Variants in NEIL3 observed in about 807,000 individuals in gnomAD.
NEIL3 encodes endonuclease 8-like 3.
In NEIL3, 48 loss-of-function variants were observed where a neutral mutation model predicts 57.5. That is an observed-to-expected ratio of 0.83 (90% CI 0.66 to 1.06). NEIL3 has a LOEUF of 1.06. Among genes scored for constraint, NEIL3 ranks in the 50% least tolerant of loss-of-function variants. The pLI is 0.00. For missense variants in NEIL3, 717 were observed against 739.1 expected (o/e 0.97, Z 0.35); for synonymous variants, 261 against 253.2 (o/e 1.03, Z -0.29).
intron 1 of NEIL3, among the ~76,000 whole-genome samples, chr4:177,318,590 A>G (rs1034633189): frequency 1.3e-5 from 2 of 152,166 alleles, no homozygotes; most frequent in Non-Finnish European, 1.5e-5. Flanking sequence ...TCTCTGGGCC[A>G]TGGCATACAA....
chr4:177,316,506 G>A (rs940371407), intron 1 of NEIL3, among the ~76,000 whole-genome samples: 1 of 152,046 alleles, frequency 6.6e-6, no homozygotes. Flanking sequence ...TAAGATATTG[G>A]GATGTTAATG....
Position 177,336,244 on chromosome 4 carries a change from C to G in NEIL3, c.550C>G (p.Gln184Glu). The change falls in exon 4 of 10, where the codon CAG (glutamine) becomes GAG (glutamate). Residue 184 changes from glutamine to glutamate, a missense_variant. Transcript: ENST00000264596. ...GRMLGDVLMD[Q>E]NVLPGVGNII... ...GATGCTAGGTGATGTGCTAATGGATCAGAACGTATTGCCTGGAGTAGGGAA... is the reference window on the plus strand; with the variant it reads ...GATGCTAGGTGATGTGCTAATGGATGAGAACGTATTGCCTGGAGTAGGGAA... 1.9e-6 allele frequency: 3 copies of G among 1,614,180 alleles called. No individual in the cohort carries two copies. In the African/African-American group the frequency reaches 4.0e-5, roughly 22 times the overall value.
At chr4:177,322,856 A>G (rs923009288) in intron 2 of NEIL3, among the ~76,000 whole-genome samples, 1 of 152,166 alleles carries the variant, frequency 6.6e-6, no homozygotes, top group Non-Finnish European at 1.5e-5. Context: ...AGCTTCCTAT[A>G]CCACAAGTCT....
Position 177,348,947 on chromosome 4 carries a change from A to G in NEIL3, c.870-2433A>G, listed in dbSNP as rs962741354. Among the ~76,000 whole-genome samples the G allele has an allele frequency of 5.3e-5, 7 of 132,656 alleles. No individual in the cohort carries two copies. The Admixed American group carries it at 5.5e-4, about 10-fold the overall frequency. 87.0% of individuals were successfully genotyped at this position (132,656 alleles called of 152,430 possible). A position where few individuals can be genotyped will look rare whatever the true frequency, so the allele number is the denominator to read the frequency against. ...CAGTGGCGTGATCTGGGCTCACTTC[A>G]AGCTCCGCCTCCCGGGTTCACGCCA... On this transcript the variant is annotated intron_variant, in intron 6 of 9. Transcript: ENST00000264596.
Position 177,339,791 on chromosome 4 carries a change from A to G in NEIL3, c.636A>G (p.Gln212=), listed in dbSNP as rs1298881590. 10 of 1,612,934 alleles carry G rather than the reference A, an allele frequency of 6.2e-6. No homozygotes were observed. The highest frequency in any genetic ancestry group is 4.0e-5 in the African/African-American group (3 of 74,928). The change falls in exon 5 of 10, where the codon CAA becomes CAG. Residue 212 remains glutamine (Q), a synonymous_variant. Coordinates refer to ENST00000264596, the MANE Select transcript of NEIL3 (RefSeq NM_018248.3). ...GTTTTTTCCACTTCAAGGTTTGTCA[A>G]TTAACAGATGAACAGATCCATCACC... ...SGLHPAVKVC[Q]LTDEQIHHLM...
chr4:177,348,847 G>A (rs1226595308), intron 6 of NEIL3, among the ~76,000 whole-genome samples: 1 of 137,908 alleles, frequency 7.3e-6, no homozygotes, highest in Admixed American at 7.8e-5. Flanking sequence ...TTGCAGATTG[G>A]TGGCTCATGA....
chr4:177,369,871 G>T, the NEIL3 span, among the ~76,000 whole-genome samples: 146 of 152,306 alleles, frequency 9.6e-4, no homozygotes, highest in African/African-American at 3.2e-3. Context: ...GAAGGGTTTA[G>T]CATTGGCAGT....
intron 1 of NEIL3, among the ~76,000 whole-genome samples, chr4:177,320,106 T>C (rs1346605829): frequency 6.6e-6 from 1 of 152,210 alleles, no homozygotes; most frequent in South Asian, 2.1e-4. Context: ...AGGAACTTTT[T>C]ACATACTAAT....
At chr4:177,334,159 A>G (rs12651128) in intron 2 of NEIL3, among the ~76,000 whole-genome samples, 6,826 of 151,840 alleles carry the variant, frequency 0.045, 305 homozygotes, top group East Asian at 0.28. Context: ...AAAAAAAATC[A>G]GTATCAATTG....
At chr4:177,368,511 T>C in the NEIL3 span, among the ~76,000 whole-genome samples, 1 of 152,230 alleles carries the variant, frequency 6.6e-6, no homozygotes, top group Non-Finnish European at 1.5e-5. Flanking sequence ...GTTGTATTTG[T>C]CCTTTCTGCA....
At chr4:177,358,730 C>T (rs758006369) in intron 8 of NEIL3, among the ~76,000 whole-genome samples, 1 of 152,146 alleles carries the variant, frequency 6.6e-6, no homozygotes, top group Non-Finnish European at 1.5e-5. Context: ...CTTGGCCCTT[C>T]TCCCCAGAAA....
intron 2 of NEIL3, among the ~76,000 whole-genome samples, chr4:177,323,344 A>G (rs974426598): frequency 6.6e-6 from 1 of 152,206 alleles, no homozygotes; most frequent in African/African-American, 2.4e-5. Flanking sequence ...AAAGATACTG[A>G]CCACAGTTAT....
rs143134557 is a variant in NEIL3, at chr4:177,353,420, A to G, written c.1152A>G (p.Ala384=). The part of the protein sequence containing the change: ...HTEVKINRKT[A]FGTTTLVLTD... ...AAGTCAAGATCAACAGAAAAACTGC[A>G]TTTGGAACTACAACTCTTGTCTTGA... Residue 384 remains alanine, a synonymous_variant, in exon 8 of 10, where the codon GCA becomes GCG. Coordinates refer to ENST00000264596, the MANE Select transcript of NEIL3 (RefSeq NM_018248.3). The G allele has an allele frequency of 1.6e-4, 251 of 1,613,996 alleles. No homozygotes were observed. The highest frequency in any genetic ancestry group is 1.8e-4 in the Admixed American group (11 of 60,002).
intron 8 of NEIL3, among the ~76,000 whole-genome samples, chr4:177,355,880 T>C (rs1735463267): frequency 1.3e-5 from 2 of 152,218 alleles, no homozygotes; most frequent in Admixed American, 6.5e-5. Context: ...TTTTAATGTC[T>C]TGTTCATAAT....
chr4:177,319,731 TCTTTCC>T (rs1734640630), intron 1 of NEIL3, among the ~76,000 whole-genome samples: 1 of 152,088 alleles, frequency 6.6e-6, no homozygotes, highest in African/African-American at 2.4e-5. Flanking sequence ...AGTAGCAAAT[TCTTTCC>T]TACCGAAGAA....
At chr4:177,341,361 C>T (rs1418700985) in intron 5 of NEIL3, 115 bp from the exon 6 acceptor site, 3 of 750,772 alleles carry the variant, frequency 4.0e-6, no homozygotes, top group Admixed American at 2.8e-5. Flanking sequence ...TATGTACAAA[C>T]ATATGTAAAT....
At chr4:177,367,154 T>C (rs1395748103), downstream of NEIL3, among the ~76,000 whole-genome samples, 1 of 152,216 alleles carries the variant, frequency 6.6e-6, no homozygotes, top group Non-Finnish European at 1.5e-5. Flanking sequence ...TTGCCCTCAG[T>C]TGAGCATCTA....
chr4:177,325,606 A>G (rs1381611722), intron 2 of NEIL3, among the ~76,000 whole-genome samples: 1 of 152,088 alleles, frequency 6.6e-6, no homozygotes, highest in South Asian at 2.1e-4. Flanking sequence ...TGGTAAGCAT[A>G]TGTTTGACTT....
In NEIL3 at chr4:177,353,485, C is replaced by T. The variant is rs61742279; in HGVS notation, c.1217C>T (p.Thr406Ile). 763 of 1,613,680 alleles carry T rather than the reference C, an allele frequency of 4.7e-4. 2 individuals carry two copies. The African/African-American group carries it at 9.1e-3, about 19-fold the overall frequency. Residue 406 changes from threonine to isoleucine, a missense_variant, in exon 8 of 10, where the codon ACA becomes ATA. Coordinates refer to ENST00000264596, the MANE Select transcript of NEIL3 (RefSeq NM_018248.3). The part of the protein sequence containing the change: ...SNKSSTLERK[T>I]KQNQILDEEF... ...AAATCCAGTACTTTGGAAAGAAAAACAAAGCAAAACCAGATACTAGATGAG... is the reference window on the plus strand; with the variant it reads ...AAATCCAGTACTTTGGAAAGAAAAATAAAGCAAAACCAGATACTAGATGAG...
Sources: gnomAD v4.1 joint callset for allele counts (sites outside exome capture counted in the v4.1 genomes callset) on GRCh38, gnomAD v4.1.1 for gene constraint, MANE v1.5 for transcripts, NCBI Gene and HGNC (gene_info 2026-07-23, HGNC 2026-07-21) for gene names.